The following WDR70 variants were observed in gnomAD, a reference collection of about 807,000 sequenced individuals.
WDR70 encodes the protein WD repeat domain 70, also known as WD repeat-containing protein 70.
Under a neutral mutation model 88.6 loss-of-function variants are expected in WDR70, and 53 were observed. The ratio of observed to expected loss-of-function variants is 0.60; its 90% confidence interval spans 0.48 to 0.75. The LOEUF (loss-of-function observed/expected upper bound fraction) is 0.75. WDR70 is among the 30% of genes least tolerant of loss of function. WDR70 has a pLI of 0.00. For synonymous variants in WDR70, 280 were observed against 270.0 expected, an observed-to-expected ratio of 1.04 and a Z score of -0.36; for missense variants, 610 against 823.2, an observed-to-expected ratio of 0.74 and a Z score of 3.17.
At chr5:37,708,465 A>G (rs972076064) in intron 13 of WDR70, among the ~76,000 whole-genome samples, 3 of 152,078 alleles carry the variant, frequency 2.0e-5, no homozygotes, top group Admixed American at 6.6e-5. Context: ...CATGTTACAC[A>G]TGTAACATAA....
At chr5:37,638,962 G>A (rs1187333524) in intron 10 of WDR70, among the ~76,000 whole-genome samples, 2 of 152,174 alleles carry the variant, frequency 1.3e-5, no homozygotes, top group Non-Finnish European at 2.9e-5. Context: ...AAACAAAAAT[G>A]TATCTAACTT....
At chr5:37,702,858 A>G in intron 12 of WDR70, 91 bp from the exon 13 acceptor site, 2 of 1,352,256 alleles carry the variant, frequency 1.5e-6, no homozygotes, top group Non-Finnish European at 2.0e-6. Context: ...TAGGAGTTAC[A>G]GAGATGTTTA....
intron 9 of WDR70, among the ~76,000 whole-genome samples, chr5:37,578,589 C>T (rs1743125011): frequency 6.6e-6 from 1 of 152,120 alleles, no homozygotes; most frequent in Non-Finnish European, 1.5e-5. Flanking sequence ...AAATTTGTGT[C>T]ATTTTTCTTA....
intron 7 of WDR70, among the ~76,000 whole-genome samples, chr5:37,466,024 C>A (rs181264308): frequency 0.015 from 2,319 of 151,860 alleles, 51 homozygotes; most frequent in African/African-American, 0.053. Flanking sequence ...GTTAATATTA[C>A]CCTTGTATCG....
rs572762348 is a variant in WDR70 at position 37,529,426 on chromosome 5, C to T, written c.917+12836C>T. On this transcript the variant is annotated intron_variant, in intron 9 of 17. Coordinates refer to ENST00000265107, the MANE Select transcript of WDR70 (RefSeq NM_018034.4). Reference sequence around the variant, plus strand: ...TTGCTTTTGGCAGTATGGTCATTTTCACAATATTGATTCTACTCATCCATG... The same window carrying T: ...TTGCTTTTGGCAGTATGGTCATTTTTACAATATTGATTCTACTCATCCATG... Among the ~76,000 whole-genome samples the T allele has an allele frequency of 6.6e-5, 10 of 152,184 alleles. No individual in the cohort carries two copies. In the South Asian group the frequency reaches 2.1e-3, roughly 32 times the overall value.
At chr5:37,725,513 A>G (rs948397034) in intron 16 of WDR70, among the ~76,000 whole-genome samples, 1 of 152,058 alleles carries the variant, frequency 6.6e-6, no homozygotes, top group African/African-American at 2.4e-5. Context: ...AAGTCTTTAG[A>G]GTTTTTGAGA....
intron 7 of WDR70, among the ~76,000 whole-genome samples, chr5:37,461,964 G>A (rs1739020332): frequency 6.6e-6 from 1 of 152,026 alleles, no homozygotes; most frequent in African/African-American, 2.4e-5. Flanking sequence ...ATGGTTTCTG[G>A]GTAGTTTCAT....
chr5:37,459,110 G>GCCGCATA (rs1435352230), intron 7 of WDR70, among the ~76,000 whole-genome samples: 7 of 60,690 alleles, frequency 1.2e-4, no homozygotes, highest in Admixed American at 2.1e-4. Flanking sequence ...GGAGCAGGTT[G>GCCGCATA]TTCAGTTTCC....
At chr5:37,399,436 T>G (rs1749131224) in intron 5 of WDR70, among the ~76,000 whole-genome samples, 1 of 152,202 alleles carries the variant, frequency 6.6e-6, no homozygotes, top group Admixed American at 6.5e-5. Flanking sequence ...AAATTTTTTT[T>G]TCATGAAAGT....
chr5:37,502,774 G>A (rs1180221833), intron 8 of WDR70, among the ~76,000 whole-genome samples: 1 of 152,204 alleles, frequency 6.6e-6, no homozygotes, highest in Non-Finnish European at 1.5e-5. Context: ...AGATGAAGCA[G>A]GAGCAGATAC....
intron 4 of WDR70, among the ~76,000 whole-genome samples, chr5:37,395,427 G>A (rs1437494173): frequency 2.0e-5 from 3 of 152,172 alleles, no homozygotes; most frequent in Non-Finnish European, 2.9e-5. Context: ...AAAGAGGGAT[G>A]AGGAAATGGC....
chr5:37,705,174 G>A (rs1747286176), intron 13 of WDR70, among the ~76,000 whole-genome samples: 1 of 152,150 alleles, frequency 6.6e-6, no homozygotes. Flanking sequence ...GGTTTAATAA[G>A]TTTGGTGCAT....
At chr5:37,683,849 T>C (rs1746508742) in intron 10 of WDR70, among the ~76,000 whole-genome samples, 1 of 152,228 alleles carries the variant, frequency 6.6e-6, no homozygotes, top group South Asian at 2.1e-4. Context: ...AGTATCTTAC[T>C]GGGGGTCTCT....
chr5:37,426,032 T>C, intron 5 of WDR70, among the ~76,000 whole-genome samples: 1 of 152,194 alleles, frequency 6.6e-6, no homozygotes, highest in Non-Finnish European at 1.5e-5. Context: ...ATTATAGATT[T>C]TAGAGTCATC....
intron 8 of WDR70, among the ~76,000 whole-genome samples, chr5:37,487,350 T>C (rs989674485): frequency 6.6e-6 from 1 of 151,984 alleles, no homozygotes; most frequent in Non-Finnish European, 1.5e-5. Context: ...GTAGATTTCA[T>C]AGGATACTGT....
chr5:37,499,587 T>TTTTCTCTCTCTCTCTCTCTC (rs1554144047), intron 8 of WDR70, among the ~76,000 whole-genome samples: 5 of 41,856 alleles, frequency 1.2e-4, no homozygotes, highest in Non-Finnish European at 1.8e-4. Context: ...TTTGGAAATA[T>TTTTCTCTCTCTCTCTCTCTC]TCTCTCTCTC....
At chr5:37,449,610 ATAAAAAATAAAT>A (rs1345713173) in intron 7 of WDR70, among the ~76,000 whole-genome samples, 71 of 56,560 alleles carry the variant, frequency 1.3e-3, no homozygotes, top group Non-Finnish European at 2.3e-3. Context: ...AAAATAAAAA[ATAAAAAATAAAT>A]AAATAAATAA....
At chr5:37,505,224 A>T (rs1239230668) in intron 8 of WDR70, among the ~76,000 whole-genome samples, 1 of 152,174 alleles carries the variant, frequency 6.6e-6, no homozygotes, top group South Asian at 2.1e-4. Context: ...GTAGATCTGG[A>T]TTTAATATCG....
At chr5:37,697,067 A>T (rs974509595) in intron 10 of WDR70, among the ~76,000 whole-genome samples, 3 of 152,186 alleles carry the variant, frequency 2.0e-5, no homozygotes, top group African/African-American at 7.2e-5. Flanking sequence ...TAATAATGGA[A>T]CCTAACTTAC....
Sources: gnomAD v4.1 joint callset for allele counts (sites outside exome capture counted in the v4.1 genomes callset) on GRCh38, gnomAD v4.1.1 for gene constraint, MANE v1.5 for transcripts, NCBI Gene and HGNC (gene_info 2026-07-23, HGNC 2026-07-21) for gene names.